The following DIAPH3 variants were observed in gnomAD, a reference collection of about 807,000 sequenced individuals.
The protein encoded by DIAPH3 is protein diaphanous homolog 3.
In DIAPH3, 117 loss-of-function variants were observed where a neutral mutation model predicts 144.3. The observed-to-expected ratio is 0.81, with a 90% CI of 0.70 to 0.95. The LOEUF is 0.95. Among genes scored for constraint, DIAPH3 ranks in the 40% least tolerant of loss-of-function variants. DIAPH3 has a pLI of 0.00. For synonymous variants in DIAPH3, 519 were observed against 488.9 expected (o/e 1.06, Z -0.81); for missense variants, 1,421 against 1,412.7 (o/e 1.01, Z -0.09).
In DIAPH3 at chr13:60,114,535, G is replaced by T. The variant is rs187234038; in HGVS notation, c.214-2349C>A. 2.0e-5 allele frequency among the ~76,000 whole-genome samples: 3 copies of T among 151,956 alleles called. No homozygotes were observed. In the East Asian group the frequency reaches 5.8e-4, roughly 29 times the overall value. On this transcript the variant is annotated intron_variant, in intron 2 of 27. Transcript: ENST00000400324. ...AAGAGAGAGTGGAAATGGTACAGAA[G>T]AAATATTTCAGAAGATAATGACTAA...
At chr13:59,689,212 G>T (rs2138674964) in intron 27 of DIAPH3, among the ~76,000 whole-genome samples, 1 of 152,156 alleles carries the variant, frequency 6.6e-6, no homozygotes, top group South Asian at 2.1e-4. Flanking sequence ...AGTAAAGAAG[G>T]CCTGGACTAC....
intron 5 of DIAPH3, among the ~76,000 whole-genome samples, chr13:60,028,945 G>A (rs1266968217): frequency 6.6e-6 from 1 of 151,858 alleles, no homozygotes; most frequent in Admixed American, 6.6e-5. Context: ...TGTAGTCCCA[G>A]CTACTCAGGA....
intron 17 of DIAPH3, among the ~76,000 whole-genome samples, chr13:59,968,431 G>A (rs117093622): frequency 0.016 from 2,509 of 152,228 alleles, 29 homozygotes; most frequent in Non-Finnish European, 0.022. Flanking sequence ...TAACTGCCAT[G>A]TATTTTCCTT....
At chr13:59,863,666 C>T (rs965649725) in intron 21 of DIAPH3, among the ~76,000 whole-genome samples, 6 of 152,096 alleles carry the variant, frequency 3.9e-5, no homozygotes, top group South Asian at 2.1e-4. Flanking sequence ...TGCTGACCTA[C>T]ACAACATGCA....
chr13:59,843,674 C>A (rs537484300), intron 22 of DIAPH3, among the ~76,000 whole-genome samples: 9 of 152,172 alleles, frequency 5.9e-5, no homozygotes, highest in Non-Finnish European at 1.3e-4. Context: ...TTGTGCTTCA[C>A]CAGAAGTCTC....
At chr13:60,024,993 T>C (rs1201606217) in intron 5 of DIAPH3, among the ~76,000 whole-genome samples, 4 of 152,168 alleles carry the variant, frequency 2.6e-5, no homozygotes, top group Non-Finnish European at 5.9e-5. Context: ...TTGGCTTCTT[T>C]GGACATAATG....
intron 2 of DIAPH3, among the ~76,000 whole-genome samples, chr13:60,127,975 G>A (rs1001602822): frequency 9.2e-5 from 14 of 151,966 alleles, no homozygotes; most frequent in Non-Finnish European, 1.9e-4. Flanking sequence ...ATGTCACATA[G>A]GTTTGTTGTA....
At chr13:60,147,179 A>G (rs578030969) in intron 1 of DIAPH3, 1 of 152,068 alleles carries the variant, frequency 6.6e-6, no homozygotes, top group African/African-American at 2.4e-5. Flanking sequence ...AAGAACTAGG[A>G]AAAAAAATGC....
At chr13:59,941,633 C>A (rs2048539102) in intron 17 of DIAPH3, among the ~76,000 whole-genome samples, 1 of 152,114 alleles carries the variant, frequency 6.6e-6, no homozygotes, top group South Asian at 2.1e-4. Flanking sequence ...GTGACAATAT[C>A]TTGCTTTGTA....
intron 27 of DIAPH3, among the ~76,000 whole-genome samples, chr13:59,698,581 A>T (rs2033940294): frequency 6.6e-6 from 1 of 152,244 alleles, no homozygotes; most frequent in South Asian, 2.1e-4. Context: ...ATCTTTTTAA[A>T]ATCTCTCTTG....
At chr13:60,154,845 T>G (rs1182148973) in intron 1 of DIAPH3, among the ~76,000 whole-genome samples, 1 of 152,230 alleles carries the variant, frequency 6.6e-6, no homozygotes, top group African/African-American at 2.4e-5. Flanking sequence ...GATAAGCATA[T>G]TCTTTAGCAT....
At chr13:60,046,028 T>C (rs2056045804) in intron 4 of DIAPH3, among the ~76,000 whole-genome samples, 3 of 152,236 alleles carry the variant, frequency 2.0e-5, no homozygotes, top group African/African-American at 7.2e-5. Context: ...TAAATATTCA[T>C]TATTACCTTT....
chr13:60,150,740 C>A (rs1951741930), intron 1 of DIAPH3, among the ~76,000 whole-genome samples: 1 of 152,158 alleles, frequency 6.6e-6, no homozygotes, highest in South Asian at 2.1e-4. Context: ...CCACAGAAGC[C>A]TGCCAGGTTG....
rs570340718 is a variant in DIAPH3, at chr13:59,800,999, A to C, written c.3163+9789T>G. On this transcript the variant is annotated intron_variant, in intron 25 of 27. Transcript: ENST00000400324. ...GAGAAGAGCATTAGTGTTCCATATC[A>C]AACCATAAAATAAATAATAAAGGAT... Among the ~76,000 whole-genome samples, 3 of 152,334 alleles carry C rather than the reference A, an allele frequency of 2.0e-5. No individual in the cohort carries two copies. The East Asian group carries it at 5.8e-4, about 29-fold the overall frequency.
At chr13:59,697,303 C>CA (rs1171499982) in intron 27 of DIAPH3, among the ~76,000 whole-genome samples, 7 of 150,530 alleles carry the variant, frequency 4.7e-5, no homozygotes, top group Non-Finnish European at 1.0e-4. Flanking sequence ...ACTAAAAATA[C>CA]AAAAAAATTA....
chr13:59,953,011 G>C (rs2049180611), intron 17 of DIAPH3, among the ~76,000 whole-genome samples: 1 of 152,170 alleles, frequency 6.6e-6, no homozygotes, highest in Admixed American at 6.5e-5. Flanking sequence ...GTAGCTAACA[G>C]TATGTTAGAA....
At chr13:59,787,779 T>C (rs568670540) in intron 25 of DIAPH3, among the ~76,000 whole-genome samples, 2 of 152,274 alleles carry the variant, frequency 1.3e-5, no homozygotes, top group Non-Finnish European at 2.9e-5. Context: ...ATTTATATGT[T>C]GAAATCCTAA....
intron 22 of DIAPH3, among the ~76,000 whole-genome samples, chr13:59,861,050 G>A (rs909593129): frequency 6.6e-6 from 1 of 152,138 alleles, no homozygotes; most frequent in African/African-American, 2.4e-5. Context: ...CTGGTATCAG[G>A]TATGTAATAG....
At chr13:60,053,619 T>G (rs756032425) in intron 4 of DIAPH3, among the ~76,000 whole-genome samples, 21 of 152,098 alleles carry the variant, frequency 1.4e-4, no homozygotes, top group Non-Finnish European at 2.8e-4. Flanking sequence ...TGACCTGTCT[T>G]GAAAAGATTA....
Sources: allele counts gnomAD v4.1 joint callset (sites outside exome capture counted in the v4.1 genomes callset), GRCh38; gene constraint gnomAD v4.1.1; transcripts MANE v1.5; gene names NCBI Gene and HGNC (gene_info 2026-07-23, HGNC 2026-07-21).